RNF144A: variants seen among roughly 807,000 people sequenced by gnomAD.
RNF144A encodes E3 ubiquitin-protein ligase RNF144A.
RNF144A carries 11 observed loss-of-function variants against 38.7 expected under a neutral mutation model. That is an observed-to-expected ratio of 0.28 (90% CI 0.18 to 0.47). The LOEUF (loss-of-function observed/expected upper bound fraction) is 0.47, where lower values mean the gene tolerates loss of function less well. Ranked by LOEUF, RNF144A falls within the 20% of genes least tolerant of loss-of-function variation. The probability of loss-of-function intolerance (pLI) is 0.99; values close to 1 mark genes in which losing one functional copy is unlikely to be tolerated. For synonymous variants in RNF144A, 149 were observed against 143.9 expected (o/e 1.04, Z -0.25); for missense variants, 316 against 377.2 (o/e 0.84, Z 1.34).
At chr2:7,070,524 C>A (rs1432559024), downstream of RNF144A, among the ~76,000 whole-genome samples, 1 of 152,082 alleles carries the variant, frequency 6.6e-6, no homozygotes. Flanking sequence ...ATGTTGAAGT[C>A]CCCCCTCCCA....
At chr2:6,970,178 A>G (rs1012448231) in intron 2 of RNF144A, among the ~76,000 whole-genome samples, 1 of 152,212 alleles carries the variant, frequency 6.6e-6, no homozygotes, top group Non-Finnish European at 1.5e-5. Flanking sequence ...CCTCACCCAA[A>G]TCTCATCTTG....
intron 2 of RNF144A, among the ~76,000 whole-genome samples, chr2:6,975,324 C>T (rs188776396): frequency 1.3e-4 from 20 of 152,238 alleles, no homozygotes; most frequent in Admixed American, 5.2e-4. Context: ...TGCTTCCCAC[C>T]GGGTCCTTCC....
At chr2:7,034,351 C>A (rs1672523201) in intron 8 of RNF144A, among the ~76,000 whole-genome samples, 1 of 152,100 alleles carries the variant, frequency 6.6e-6, no homozygotes, top group Admixed American at 6.6e-5. Context: ...CCAGGAGTGT[C>A]AAGCTGTAGC....
At chr2:6,990,570 CAA>C (rs1491333554) in intron 2 of RNF144A, among the ~76,000 whole-genome samples, 23,702 of 77,576 alleles carry the variant, frequency 0.31, 2,418 homozygotes, top group Middle Eastern at 0.34. Context: ...GCTACACACA[CAA>C]ACACACACAC....
At chr2:7,074,751 G>T in the RNF144A span, 1 of 152,770 alleles carries the variant, frequency 6.5e-6, no homozygotes. Flanking sequence ...AGTATTTCTA[G>T]GTGGAAGAAG....
At chr2:6,987,052 C>T (rs771266087) in intron 2 of RNF144A, among the ~76,000 whole-genome samples, 1 of 151,912 alleles carries the variant, frequency 6.6e-6, no homozygotes, top group Non-Finnish European at 1.5e-5. Flanking sequence ...GGGGTCAGAA[C>T]GCGTGGCTGT....
intron 2 of RNF144A, among the ~76,000 whole-genome samples, chr2:6,956,827 G>T (rs1021870109): frequency 7.9e-5 from 12 of 152,172 alleles, no homozygotes; most frequent in African/African-American, 2.2e-4. Context: ...CAAAAAATAT[G>T]CAGGGCACTT....
chr2:6,951,252 A>T (rs1233155073), intron 2 of RNF144A, among the ~76,000 whole-genome samples: 1 of 150,660 alleles, frequency 6.6e-6, no homozygotes, highest in East Asian at 1.9e-4. Context: ...ACACTCTGTT[A>T]TGTGTCATGT....
chr2:6,925,472 C>T (rs1038645410), intron 1 of RNF144A, among the ~76,000 whole-genome samples: 2 of 152,172 alleles, frequency 1.3e-5, no homozygotes, highest in Admixed American at 6.5e-5. Context: ...CCCCCAGTTG[C>T]TCTCTTTACT....
In RNF144A at chr2:7,042,444, T is replaced by C; in HGVS notation, c.*2684T>C. 1.0e-6 allele frequency: 1 copy of C among 985,490 alleles called. No homozygotes were observed. Among genetic ancestry groups the C allele is most frequent in the Non-Finnish European group, 1.2e-6 (1 of 829,950 alleles). The allele number at this position is 985,490 out of a possible 1,614,324, so 61.0% of individuals were successfully genotyped here. A position where few individuals can be genotyped will look rare whatever the true frequency, so the allele number is the denominator to read the frequency against. On this transcript the variant is annotated 3_prime_UTR_variant, in exon 9 of 9. Transcript: ENST00000320892. Reference sequence around the variant, plus strand: ...GCAAGCCCCAGAAGCATATGGCATGTGTTCACTAAGAGGCCTTTAATCCTG... The same window carrying C: ...GCAAGCCCCAGAAGCATATGGCATGCGTTCACTAAGAGGCCTTTAATCCTG...
chr2:6,979,186 G>A (rs1480369437), intron 2 of RNF144A, among the ~76,000 whole-genome samples: 1 of 152,204 alleles, frequency 6.6e-6, no homozygotes, highest in African/African-American at 2.4e-5. Flanking sequence ...GAATGAGTGG[G>A]AGGCGCTGCT....
chr2:7,041,853 C>T lies in RNF144A; in HGVS notation c.*2093C>T. ...TCAGAGCCTTTGGAAAGGCTGCATC[C>T]CCAGGGCTAGAGCTCAGATGACCTT... On this transcript the variant is annotated 3_prime_UTR_variant, in exon 9 of 9. Transcript: ENST00000320892. The T allele has an allele frequency of 1.0e-6, 1 of 985,426 alleles. No individual in the cohort carries two copies. 61.0% of individuals were successfully genotyped at this position (985,426 alleles called of 1,614,324 possible). A position where few individuals can be genotyped will look rare whatever the true frequency, so the allele number is the denominator to read the frequency against.
At chr2:7,067,268 AC>A (rs1348836128) in intron 6 of RNF144A, among the ~76,000 whole-genome samples, 7 of 152,088 alleles carry the variant, frequency 4.6e-5, no homozygotes, top group African/African-American at 1.7e-4. Context: ...ATTTTCTCCA[AC>A]CCTTCTGACT....
intron 1 of RNF144A, among the ~76,000 whole-genome samples, chr2:6,923,260 C>T (rs2103268973): frequency 6.6e-6 from 1 of 152,334 alleles, no homozygotes; most frequent in Non-Finnish European, 1.5e-5. Flanking sequence ...TCCTCAAGTT[C>T]AAACATTCAC....
intron 2 of RNF144A, among the ~76,000 whole-genome samples, chr2:6,994,427 A>T (rs1175169289): frequency 6.6e-6 from 1 of 152,258 alleles, no homozygotes; most frequent in Non-Finnish European, 1.5e-5. Flanking sequence ...CAGAAAAAAG[A>T]TACAGAGAAA....
intron 2 of RNF144A, among the ~76,000 whole-genome samples, chr2:6,971,767 T>C (rs1668011405): frequency 6.6e-6 from 1 of 152,120 alleles, no homozygotes; most frequent in South Asian, 2.1e-4. Context: ...CTGACCATTT[T>C]GTTTTTGGCA....
intron 8 of RNF144A, among the ~76,000 whole-genome samples, chr2:7,032,986 C>T (rs73914476): frequency 0.019 from 2,822 of 152,344 alleles, 84 homozygotes; most frequent in African/African-American, 0.064. Context: ...GCACAGCCAC[C>T]GTGTGAGTGG....
chr2:6,999,153 G>A (rs3771990), intron 3 of RNF144A, among the ~76,000 whole-genome samples: 1 of 152,134 alleles, frequency 6.6e-6, no homozygotes, highest in Admixed American at 6.5e-5. Context: ...TCCGAAAGAG[G>A]CTGCTGGAAA....
intron 2 of RNF144A, among the ~76,000 whole-genome samples, chr2:6,942,845 G>T (rs999601716): frequency 6.6e-6 from 1 of 152,204 alleles, no homozygotes; most frequent in Admixed American, 6.5e-5. Flanking sequence ...TCAGCTGAGA[G>T]TTGTGGCAGG....
Sources: allele counts gnomAD v4.1 joint callset (sites outside exome capture counted in the v4.1 genomes callset), GRCh38; gene constraint gnomAD v4.1.1; transcripts MANE v1.5; gene names NCBI Gene and HGNC (gene_info 2026-07-23, HGNC 2026-07-21).